Variants in FOXP2 observed in about 807,000 individuals in gnomAD.
FOXP2 encodes the protein forkhead box P2.
A neutral mutation model predicts 115.8 loss-of-function variants in FOXP2; 12 were observed. The observed-to-expected ratio is 0.10, with a 90% CI of 0.07 to 0.17. The LOEUF (loss-of-function observed/expected upper bound fraction) is 0.17, where lower values mean the gene tolerates loss of function less well. Ranked by LOEUF, FOXP2 falls within the 10% of genes least tolerant of loss-of-function variation. The pLI, the probability that FOXP2 is intolerant of heterozygous loss-of-function variation, is 1.00. For synonymous variants in FOXP2, 328 were observed against 297.7 expected, an observed-to-expected ratio of 1.10 and a Z score of -1.05; for missense variants, 629 against 843.5, an observed-to-expected ratio of 0.75 and a Z score of 3.15.
chr7:114,692,802 G>A lies in FOXP2; in HGVS notation c.*2876G>A. On this transcript the variant is annotated 3_prime_UTR_variant, in exon 17 of 17. Coordinates refer to ENST00000350908, the MANE Select transcript of FOXP2 (RefSeq NM_014491.4). ...AACTGTAGCACAAACATCTGTTTAT[G>A]TATTGGTGGAATATACCTGTTTTAT... is the stretch of plus-strand genomic sequence containing the variant. 1 of 447,284 alleles carries A rather than the reference G, an allele frequency of 2.2e-6. No individual in the cohort carries two copies. Among genetic ancestry groups the A allele is most frequent in the South Asian group, 1.6e-5 (1 of 63,040 alleles). 27.7% of individuals were successfully genotyped at this position (447,284 alleles called of 1,614,324 possible).
intron 3 of FOXP2, among the ~76,000 whole-genome samples, chr7:114,626,564 T>C (rs947818071): frequency 9.2e-5 from 14 of 151,764 alleles, no homozygotes; most frequent in Non-Finnish European, 1.9e-4. Context: ...TCTCTCTCTC[T>C]ATATATATCC....
chr7:114,664,407 T>G lies in FOXP2; in HGVS notation c.1974T>G (p.Ser658Arg). ...ATCACATTGACAGCAATGGAAACAG[T>G]AGTCCGGGCTGCTCACCTCAGCCGC... The part of the protein sequence containing the change: ...SLDHIDSNGN[S>R]SPGCSPQPHI... Residue 658 changes from serine to arginine, a missense_variant, in exon 16 of 17, where the codon AGT (serine) becomes AGG (arginine). Ser to Arg is a moderately radical substitution (Grantham distance 110). Around this residue, in one of 9 missense-constraint regions of FOXP2, gnomAD observed 117 missense variants for 112.3 expected, o/e 1.04. Coordinates refer to ENST00000350908, the MANE Select transcript of FOXP2 (RefSeq NM_014491.4). The G allele has an allele frequency of 1.2e-6, 2 of 1,613,538 alleles. No individual in the cohort carries two copies. Among genetic ancestry groups the G allele is most frequent in the Non-Finnish European group, 1.7e-6 (2 of 1,179,658 alleles).
At chr7:114,101,665 T>TA (rs1346536627) in intron 1 of FOXP2, among the ~76,000 whole-genome samples, 1 of 142,604 alleles carries the variant, frequency 7.0e-6, no homozygotes, top group Non-Finnish European at 1.6e-5. Flanking sequence ...TCCTTTTACC[T>TA]AAAAAAATAA....
At chr7:114,169,841 G>C (rs1245403126) in intron 1 of FOXP2, among the ~76,000 whole-genome samples, 1 of 152,174 alleles carries the variant, frequency 6.6e-6, no homozygotes, top group Non-Finnish European at 1.5e-5. Context: ...TCTCATGATA[G>C]TGAATAAGCC....
At chr7:114,162,185 C>G (rs1386977511), upstream of FOXP2, among the ~76,000 whole-genome samples, 1 of 152,150 alleles carries the variant, frequency 6.6e-6, no homozygotes, top group African/African-American at 2.4e-5. Context: ...TTCTCTTAAA[C>G]TTATGAATGT....
intron 1 of FOXP2, among the ~76,000 whole-genome samples, chr7:114,282,374 G>A (rs113740805): frequency 6.6e-6 from 1 of 152,018 alleles, no homozygotes; most frequent in African/African-American, 2.4e-5. Flanking sequence ...TTTTTTTGAA[G>A]TTCCAAAATA....
At chr7:114,427,004 A>G (rs2129205293) in intron 2 of FOXP2, among the ~76,000 whole-genome samples, 1 of 151,762 alleles carries the variant, frequency 6.6e-6, no homozygotes, top group East Asian at 2.0e-4. Context: ...CGTGATACTT[A>G]GTTTTCCACC....
intron 1 of FOXP2, among the ~76,000 whole-genome samples, chr7:114,256,041 T>C (rs909237763): frequency 2.6e-5 from 4 of 152,166 alleles, no homozygotes; most frequent in African/African-American, 9.7e-5. Flanking sequence ...CTCTACAACC[T>C]CAACAGCAGG....
chr7:114,481,641 T>G (rs1027187920), intron 2 of FOXP2, among the ~76,000 whole-genome samples: 1 of 151,350 alleles, frequency 6.6e-6, no homozygotes, highest in African/African-American at 2.4e-5. Context: ...AGAGTCCTGC[T>G]TCTCTACCTT....
chr7:114,515,467 A>G (rs898641923), intron 2 of FOXP2, among the ~76,000 whole-genome samples: 14 of 152,202 alleles, frequency 9.2e-5, no homozygotes, highest in African/African-American at 3.1e-4. Context: ...TCTGATGGCC[A>G]GTGATGATGA....
chr7:114,624,914 T>A (rs550912828), intron 3 of FOXP2, among the ~76,000 whole-genome samples: 152 of 151,552 alleles, frequency 1.0e-3, no homozygotes, highest in African/African-American at 3.5e-3. Flanking sequence ...TCTAGGATAA[T>A]ACCTAAATTT....
chr7:114,492,212 G>A (rs1193582137), intron 2 of FOXP2, among the ~76,000 whole-genome samples: 1 of 152,204 alleles, frequency 6.6e-6, no homozygotes, highest in African/African-American at 2.4e-5. Flanking sequence ...GGTGTTTATA[G>A]TATTCTCTGG....
chr7:114,222,304 TGC>T (rs1794645150), intron 1 of FOXP2, among the ~76,000 whole-genome samples: 1 of 152,134 alleles, frequency 6.6e-6, no homozygotes, highest in African/African-American at 2.4e-5. Context: ...TACAGGCATG[TGC>T]CTGCATGGCT....
intron 2 of FOXP2, among the ~76,000 whole-genome samples, chr7:114,389,104 T>C (rs970178247): frequency 8.5e-5 from 13 of 152,236 alleles, no homozygotes; most frequent in Admixed American, 7.2e-4. Flanking sequence ...CTGAATGACA[T>C]GGTAGACATA....
At chr7:114,478,491 CTT>C (rs1225755588) in intron 2 of FOXP2, among the ~76,000 whole-genome samples, 1 of 151,774 alleles carries the variant, frequency 6.6e-6, no homozygotes, top group African/African-American at 2.4e-5. Flanking sequence ...GGTTTATCTT[CTT>C]TTCTTATACT....
At chr7:114,617,566 G>A (rs1804016935) in intron 3 of FOXP2, among the ~76,000 whole-genome samples, 3 of 152,200 alleles carry the variant, frequency 2.0e-5, no homozygotes, top group Admixed American at 6.5e-5. Context: ...GGCGGAGGCG[G>A]GTGGATCACC....
At chr7:114,567,468 C>T (rs561053884) in intron 3 of FOXP2, among the ~76,000 whole-genome samples, 5 of 152,168 alleles carry the variant, frequency 3.3e-5, no homozygotes, top group Admixed American at 6.6e-5. Context: ...ATGACTTACT[C>T]TTTATTGTTT....
In FOXP2 at chr7:114,391,171, G is replaced by A. The variant is rs572088185; in HGVS notation, c.-10-35331G>A. 2.8e-4 allele frequency among the ~76,000 whole-genome samples: 43 copies of A among 151,212 alleles called. No individual in the cohort carries two copies. In the South Asian group the frequency reaches 8.2e-3, roughly 29 times the overall value. ...CACTGTACTCCAGCCTTGGCGACAAGAGCAAGACTCCATCTCAGGAAAAAA... is the reference window on the plus strand; with the variant it reads ...CACTGTACTCCAGCCTTGGCGACAAAAGCAAGACTCCATCTCAGGAAAAAA... On this transcript the variant is annotated intron_variant, in intron 2 of 17. Transcript: ENST00000634411.
intron 1 of FOXP2, among the ~76,000 whole-genome samples, chr7:114,277,704 T>G (rs1283711418): frequency 6.6e-6 from 1 of 152,126 alleles, no homozygotes. Context: ...CTTATTGACC[T>G]TGATAATTTG....
Sources: allele counts gnomAD v4.1 joint callset (sites outside exome capture counted in the v4.1 genomes callset), GRCh38; gene constraint gnomAD v4.1.1; regional missense constraint gnomAD v4.1.1; transcripts MANE v1.5; gene names NCBI Gene and HGNC (gene_info 2026-07-23, HGNC 2026-07-21).